ARHGEF3: variants seen among roughly 807,000 people sequenced by gnomAD.
The protein encoded by ARHGEF3 is Rho guanine nucleotide exchange factor 3.
ARHGEF3 carries 28 observed loss-of-function variants against 63.2 expected under a neutral mutation model. The observed-to-expected ratio is 0.44, with a 90% CI of 0.33 to 0.61. The LOEUF is 0.61. Among genes scored for constraint, ARHGEF3 ranks in the 20% least tolerant of loss-of-function variants. The probability of loss-of-function intolerance (pLI) is 0.03; values close to 1 mark genes in which losing one functional copy is unlikely to be tolerated. For synonymous variants in ARHGEF3, 266 were observed against 254.2 expected (o/e 1.05, Z -0.44); for missense variants, 533 against 659.3 (o/e 0.81, Z 2.10).
chr3:56,809,054 T>A (rs2037971195), intron 4 of ARHGEF3, among the ~76,000 whole-genome samples: 2 of 152,196 alleles, frequency 1.3e-5, no homozygotes, highest in Admixed American at 1.3e-4. Flanking sequence ...TTGATTAGTA[T>A]CAAATATCAG....
intron 3 of ARHGEF3, among the ~76,000 whole-genome samples, chr3:56,898,068 C>G (rs919758448): frequency 1.3e-5 from 2 of 151,608 alleles, no homozygotes; most frequent in Non-Finnish European, 2.9e-5. Flanking sequence ...TTTGTAGAGA[C>G]GGGGTCTCAT....
chr3:56,825,292 C>T (rs1000703571), intron 4 of ARHGEF3, among the ~76,000 whole-genome samples: 5 of 152,244 alleles, frequency 3.3e-5, no homozygotes, highest in African/African-American at 1.2e-4. Context: ...CTGCACTCCA[C>T]GCCACATTCT....
Position 56,751,281 on chromosome 3 carries a change from C to A in ARHGEF3, c.535+19G>T. 1 of 1,599,984 alleles carries A rather than the reference C, an allele frequency of 6.3e-7. No individual in the cohort carries two copies. Among genetic ancestry groups the A allele is most frequent in the South Asian group, 1.1e-5 (1 of 90,698 alleles). ...GTTAAGGCTACAAGTCACGACTCAT[C>A]CTGGGAACAAAATTATACCTTCATG... On this transcript the variant is annotated intron_variant, in intron 5 of 9. Coordinates refer to ENST00000296315, the MANE Select transcript of ARHGEF3 (RefSeq NM_019555.3).
intron 1 of ARHGEF3, among the ~76,000 whole-genome samples, chr3:56,801,016 C>T (rs1179756835): frequency 6.6e-6 from 1 of 152,234 alleles, no homozygotes; most frequent in Non-Finnish European, 1.5e-5. Context: ...GCCCGCAAGG[C>T]ACAGGAAAGT....
intron 4 of ARHGEF3, among the ~76,000 whole-genome samples, chr3:56,808,371 C>G (rs2107994895): frequency 6.6e-6 from 1 of 152,224 alleles, no homozygotes; most frequent in East Asian, 1.9e-4. Context: ...TGCTTGAGCG[C>G]AGGCGTTCGA....
intron 8 of ARHGEF3, 141 bp from the exon 9 acceptor site, chr3:56,732,565 A>T (rs1175484886): frequency 2.4e-5 from 24 of 979,910 alleles, no homozygotes; most frequent in Non-Finnish European, 3.3e-5. Flanking sequence ...TACCTCCAGG[A>T]GAACCAAAGT....
intron 1 of ARHGEF3, among the ~76,000 whole-genome samples, chr3:56,790,697 A>G (rs2037035792): frequency 6.6e-6 from 1 of 152,204 alleles, no homozygotes; most frequent in South Asian, 2.1e-4. Flanking sequence ...ATGCCAACAT[A>G]AGATAGCACA....
chr3:57,041,409 G>A (rs972035507), intron 1 of ARHGEF3, among the ~76,000 whole-genome samples: 4 of 152,164 alleles, frequency 2.6e-5, no homozygotes, highest in African/African-American at 2.4e-5. Context: ...GGAGGGATTT[G>A]AACACACACC....
At chr3:56,732,829 T>C (rs2033273529) in intron 8 of ARHGEF3, among the ~76,000 whole-genome samples, 1 of 152,224 alleles carries the variant, frequency 6.6e-6, no homozygotes, top group African/African-American at 2.4e-5. Context: ...CTCTCTTGAC[T>C]TTAGTTTATA....
chr3:56,978,734 A>T (rs531553658), intron 2 of ARHGEF3, among the ~76,000 whole-genome samples: 1 of 152,334 alleles, frequency 6.6e-6, no homozygotes, highest in Admixed American at 6.5e-5. Context: ...AGTTCATCCT[A>T]ACGATAATTA....
chr3:56,920,909 G>T (rs917636257), intron 3 of ARHGEF3, among the ~76,000 whole-genome samples: 1 of 151,902 alleles, frequency 6.6e-6, no homozygotes, highest in Non-Finnish European at 1.5e-5. Context: ...AAAAAAATTA[G>T]CCAGGCGTGG....
intron 2 of ARHGEF3, among the ~76,000 whole-genome samples, chr3:57,006,880 C>A (rs1320071724): frequency 1.3e-5 from 2 of 152,182 alleles, no homozygotes; most frequent in Non-Finnish European, 2.9e-5. Context: ...CCCTCCCTGG[C>A]TGAGTTTTCC....
chr3:57,019,208 A>G (rs114301662), intron 2 of ARHGEF3, among the ~76,000 whole-genome samples: 2,075 of 152,286 alleles, frequency 0.014, 51 homozygotes, highest in African/African-American at 0.047. Context: ...GGAACAAGAG[A>G]GCAAGGGGGA....
chr3:56,777,517 C>G (rs921887468), intron 1 of ARHGEF3, among the ~76,000 whole-genome samples: 1 of 151,970 alleles, frequency 6.6e-6, no homozygotes. Context: ...GATTTTTATC[C>G]TCTCCTCATT....
chr3:56,830,030 C>T (rs2038874579), intron 4 of ARHGEF3, among the ~76,000 whole-genome samples: 1 of 152,222 alleles, frequency 6.6e-6, no homozygotes, highest in Non-Finnish European at 1.5e-5. Context: ...CCCCATTTTA[C>T]AGCAGAGGTA....
chr3:56,775,378 T>A, intron 1 of ARHGEF3: 2 of 1,056,976 alleles, frequency 1.9e-6, no homozygotes, highest in East Asian at 7.3e-5. Flanking sequence ...TATAAAAATT[T>A]AAAAACTTAA....
intron 1 of ARHGEF3, among the ~76,000 whole-genome samples, chr3:57,042,723 G>A (rs1457189796): frequency 1.1e-5 from 1 of 94,822 alleles, no homozygotes; most frequent in African/African-American, 3.9e-5. Context: ...TTTAGACGGA[G>A]TCTCGCTCTG....
intron 4 of ARHGEF3, among the ~76,000 whole-genome samples, chr3:56,808,718 T>C (rs1282442179): frequency 6.6e-6 from 1 of 152,248 alleles, no homozygotes; most frequent in East Asian, 1.9e-4. Context: ...TGCTAGCCTC[T>C]GGTTCATAAG....
intron 2 of ARHGEF3, among the ~76,000 whole-genome samples, chr3:57,008,788 G>C (rs1560128441): frequency 6.6e-6 from 1 of 152,022 alleles, no homozygotes; most frequent in Non-Finnish European, 1.5e-5. Context: ...TTTTTCTCTG[G>C]ACCTCTGTTT....
Sources: gnomAD v4.1 joint callset for allele counts (sites outside exome capture counted in the v4.1 genomes callset) on GRCh38, gnomAD v4.1.1 for gene constraint, MANE v1.5 for transcripts, NCBI Gene and HGNC (gene_info 2026-07-23, HGNC 2026-07-21) for gene names.